Variants in METAP1 observed in about 807,000 individuals in gnomAD.
METAP1 encodes methionyl aminopeptidase 1, also known as methionine aminopeptidase 1.
A neutral mutation model predicts 53.8 loss-of-function variants in METAP1; 28 were observed. The ratio of observed to expected loss-of-function variants is 0.52; its 90% CI spans 0.39 to 0.71. METAP1 has a LOEUF of 0.71. Ranked by LOEUF, METAP1 falls within the 30% of genes least tolerant of loss-of-function variation. The probability of loss-of-function intolerance (pLI) is 0.00; values close to 1 mark genes in which losing one functional copy is unlikely to be tolerated. For missense variants in METAP1, 389 were observed against 479.8 expected (o/e 0.81, Z 1.77); for synonymous variants, 181 against 165.7 (o/e 1.09, Z -0.71).
intron 9 of METAP1, 66 bp downstream of exon 9, chr4:99,048,942 T>C (rs1295610413): frequency 2.0e-6 from 3 of 1,512,920 alleles, no homozygotes; most frequent in African/African-American, 2.8e-5. Flanking sequence ...TTCATACATT[T>C]AACAGTACCT....
At chr4:99,021,489 C>T (rs945585812) in intron 1 of METAP1, among the ~76,000 whole-genome samples, 1 of 152,128 alleles carries the variant, frequency 6.6e-6, no homozygotes, top group African/African-American at 2.4e-5. Context: ...GAAACAGTGT[C>T]CCCATACGAG....
intron 1 of METAP1, among the ~76,000 whole-genome samples, chr4:99,014,731 G>A (rs1230178): frequency 0.17 from 25,132 of 152,094 alleles, 3,350 homozygotes; most frequent in East Asian, 0.8. Context: ...TAGAGTGCAA[G>A]TACCATTCCA....
chr4:99,022,771 C>T (rs1329900728), intron 1 of METAP1: 1 of 1,602,528 alleles, frequency 6.2e-7, no homozygotes, highest in Non-Finnish European at 8.5e-7. Context: ...GACTGGCCGC[C>T]ACACTCTTGG....
At chr4:99,025,414 C>T (rs1328244400) in intron 1 of METAP1, 4 of 985,282 alleles carry the variant, frequency 4.1e-6, no homozygotes, top group Non-Finnish European at 4.8e-6. Context: ...CTTCTCTTAA[C>T]TCTGACTCTT....
intron 9 of METAP1, among the ~76,000 whole-genome samples, chr4:99,054,240 T>C (rs1037820817): frequency 6.6e-6 from 1 of 152,212 alleles, no homozygotes; most frequent in African/African-American, 2.4e-5. Context: ...TTATCTTAGC[T>C]ATATCTTCTG....
At chr4:99,012,747 T>A (rs1252371922) in intron 1 of METAP1, among the ~76,000 whole-genome samples, 2 of 151,248 alleles carry the variant, frequency 1.3e-5, no homozygotes, top group South Asian at 2.1e-4. Context: ...CCTCAGGAGT[T>A]CTTGAAAACA....
At chr4:99,022,871 C>G (rs1724236355) in intron 1 of METAP1, 2 of 1,536,274 alleles carry the variant, frequency 1.3e-6, no homozygotes, top group Non-Finnish European at 1.8e-6. Context: ...CTGCTGCCTT[C>G]TTTTTGCATC....
intron 9 of METAP1, among the ~76,000 whole-genome samples, chr4:99,054,556 A>C (rs948182790): frequency 6.6e-6 from 1 of 152,172 alleles, no homozygotes; most frequent in Non-Finnish European, 1.5e-5. Context: ...TAGCGCTTTC[A>C]ATTTCCTTCA....
At chr4:99,044,426 G>T (rs1047643832) in intron 7 of METAP1, among the ~76,000 whole-genome samples, 12 of 152,180 alleles carry the variant, frequency 7.9e-5, no homozygotes, top group African/African-American at 2.9e-4. Flanking sequence ...TTTAGTTAGG[G>T]TATCTGTTCA....
intron 1 of METAP1, among the ~76,000 whole-genome samples, chr4:99,006,169 A>C (rs1407223981): frequency 6.6e-6 from 1 of 152,200 alleles, no homozygotes. Context: ...GCATCAGTAC[A>C]CTTGCAAAAA....
intron 1 of METAP1, among the ~76,000 whole-genome samples, chr4:99,017,790 A>C (rs1018618548): frequency 6.6e-6 from 1 of 152,166 alleles, no homozygotes; most frequent in Non-Finnish European, 1.5e-5. Context: ...TCTTCCACTA[A>C]TATGGCATTG....
At chr4:99,014,490 C>G (rs893153450) in intron 1 of METAP1, among the ~76,000 whole-genome samples, 3 of 152,132 alleles carry the variant, frequency 2.0e-5, no homozygotes, top group African/African-American at 7.2e-5. Flanking sequence ...TATAGTTTAT[C>G]CAGTCTACAT....
chr4:98,999,359 A>G (rs1373470985), intron 1 of METAP1, among the ~76,000 whole-genome samples: 1 of 151,878 alleles, frequency 6.6e-6, no homozygotes, highest in Non-Finnish European at 1.5e-5. Flanking sequence ...TGGGGCTATT[A>G]ATAATACCTA....
At chr4:99,018,493 G>C (rs1340420478) in intron 1 of METAP1, among the ~76,000 whole-genome samples, 1 of 152,142 alleles carries the variant, frequency 6.6e-6, no homozygotes, top group Non-Finnish European at 1.5e-5. Flanking sequence ...CTATCCACCG[G>C]TACTGCTGCT....
intron 9 of METAP1, among the ~76,000 whole-genome samples, chr4:99,057,008 G>A (rs911912901): frequency 1.3e-5 from 2 of 152,028 alleles, no homozygotes; most frequent in Non-Finnish European, 2.9e-5. Flanking sequence ...TAGGATTTCA[G>A]GTGCACGCCA....
At chr4:98,999,143 T>G (rs1261169052) in intron 1 of METAP1, among the ~76,000 whole-genome samples, 2 of 152,116 alleles carry the variant, frequency 1.3e-5, no homozygotes, top group African/African-American at 4.8e-5. Context: ...GTGAACTTCA[T>G]GAATGATCCT....
chr4:99,019,470 C>T (rs879909739), intron 1 of METAP1, among the ~76,000 whole-genome samples: 2 of 152,272 alleles, frequency 1.3e-5, no homozygotes, highest in African/African-American at 4.8e-5. Flanking sequence ...TGTCCCCCTT[C>T]TTGTTCTATT....
At chr4:99,039,347 G>A (rs1319282826) in intron 4 of METAP1, 27 bp from the exon 5 acceptor site, 10 of 1,469,770 alleles carry the variant, frequency 6.8e-6, no homozygotes, top group Non-Finnish European at 9.5e-6. Context: ...ATTCATTTTG[G>A]TTTTACTTAC....
intron 1 of METAP1, chr4:99,023,115 G>C (rs979871481): frequency 1.2e-5 from 12 of 998,286 alleles, no homozygotes; most frequent in Non-Finnish European, 1.6e-5. Flanking sequence ...GGCCTTCTCC[G>C]ATTCCTCTGC....
Sources: gnomAD v4.1 joint callset for allele counts (sites outside exome capture counted in the v4.1 genomes callset) on GRCh38, gnomAD v4.1.1 for gene constraint, MANE v1.5 for transcripts, NCBI Gene and HGNC (gene_info 2026-07-23, HGNC 2026-07-21) for gene names.